AHDC1: variants seen among roughly 807,000 people sequenced by gnomAD.
The protein encoded by AHDC1 is transcription factor Gibbin.
Under a neutral mutation model 87.9 loss-of-function variants are expected in AHDC1, and 7 were observed. The observed-to-expected ratio is 0.08, with a 90% CI of 0.05 to 0.15. AHDC1 has a LOEUF of 0.15. Among genes scored for constraint, AHDC1 ranks in the 10% least tolerant of loss-of-function variants. The pLI is 1.00. For missense variants in AHDC1, 1,841 were observed against 2,253.2 expected, an observed-to-expected ratio of 0.82 and a Z score of 3.70; for synonymous variants, 1,051 against 1,006.8, an observed-to-expected ratio of 1.04 and a Z score of -0.83.
chr1:27,537,679 G>A (rs1253763519), intron 8 of AHDC1, among the ~76,000 whole-genome samples: 7 of 152,184 alleles, frequency 4.6e-5, no homozygotes, highest in Admixed American at 4.6e-4. Flanking sequence ...CCCAGGGCTA[G>A]CACGCACCGG....
intron 3 of AHDC1, chr1:27,567,937 T>A (rs1421936034): frequency 6.6e-6 from 1 of 152,216 alleles, no homozygotes; most frequent in Non-Finnish European, 1.5e-5. Context: ...AAAGCAAGTC[T>A]CCGTGCAACT....
At chr1:27,575,207 A>G (rs1257643788) in intron 3 of AHDC1, among the ~76,000 whole-genome samples, 1 of 152,176 alleles carries the variant, frequency 6.6e-6, no homozygotes, top group African/African-American at 2.4e-5. Context: ...GCTACCTGGC[A>G]GGCTAAGCTG....
rs2019384744 is a variant in AHDC1, at chr1:27,549,332, G to C, written c.2784C>G (p.Ser928Arg). Reference protein sequence around the residue: ...RQTFPPGRAASYGLTPAASDC... With the variant: ...RQTFPPGRAARYGLTPAASDC... ...CTGAAGCGGCTGGAGTTAGCCCATAGCTTGCTGCTCGTCCTGGTGGGAAGG... is the reference window on the plus strand; with the variant it reads ...CTGAAGCGGCTGGAGTTAGCCCATACCTTGCTGCTCGTCCTGGTGGGAAGG... The change falls in exon 8 of 9, where the codon AGC (serine) becomes AGG (arginine). Residue 928 changes from serine (S) to arginine (R), a missense_variant. Transcript: ENST00000673934. The C allele has an allele frequency of 6.8e-6, 11 of 1,611,238 alleles. No individual in the cohort carries two copies. Among genetic ancestry groups the C allele is most frequent in the Non-Finnish European group, 9.3e-6 (11 of 1,178,236 alleles).
intron 5 of AHDC1, among the ~76,000 whole-genome samples, chr1:27,556,871 C>CA (rs2019839296): frequency 6.6e-6 from 1 of 152,078 alleles, no homozygotes; most frequent in South Asian, 2.1e-4. Flanking sequence ...CACCACCTCC[C>CA]ACCAACAGCC....
intron 5 of AHDC1, among the ~76,000 whole-genome samples, chr1:27,556,114 G>A (rs1037966190): frequency 2.0e-5 from 3 of 152,098 alleles, no homozygotes; most frequent in Non-Finnish European, 4.4e-5. Flanking sequence ...AGGGGGCTGG[G>A]GGCCCCAACC....
At position 27,563,132 on chromosome 1, in the gene AHDC1, C is replaced by T. The variant is rs1361385349; in HGVS notation, c.-628-4249G>A. On this transcript the variant is annotated intron_variant, in intron 3 of 8. Coordinates refer to ENST00000673934, the MANE Select transcript of AHDC1 (RefSeq NM_001371928.1). The surrounding 1 kb of genome is among the most constrained non-coding windows in gnomAD (Gnocchi z 6.1). The stretch of plus-strand genomic sequence containing the variant: ...ACCAAGACACACACACACGCACGCA[C>T]GCATGCATGCACACACCCACACAAA... Among the ~76,000 whole-genome samples the T allele has an allele frequency of 1.3e-5, 2 of 151,536 alleles. No individual in the cohort carries two copies. The highest frequency in any genetic ancestry group is 2.9e-5 in the Non-Finnish European group (2 of 67,944).
rs772372544 is a variant in AHDC1, at chr1:27,551,030, G to A, written c.1086C>T (p.Pro362=). The A allele has an allele frequency of 1.9e-6, 3 of 1,557,850 alleles. No individual in the cohort carries two copies. Among genetic ancestry groups the A allele is most frequent in the African/African-American group, 1.4e-5 (1 of 73,220 alleles). The change falls in exon 8 of 9, where the codon CCC becomes CCT. Residue 362 remains proline (P), a synonymous_variant. Coordinates refer to ENST00000673934, the MANE Select transcript of AHDC1 (RefSeq NM_001371928.1). ...QPLGHCPLAE[P]LRLDLCSPHG... ...GCGGTGAGCACAAGTCCAGGCGCAA[G>A]GGCTCGGCCAGTGGGCAGTGCCCCA...
Position 27,558,940 on chromosome 1 carries a change from A to G in AHDC1, c.-628-57T>C, listed in dbSNP as rs1018743169. The G allele has an allele frequency of 3.0e-5, 12 of 398,598 alleles. No individual in the cohort carries two copies. The highest frequency in any genetic ancestry group is 4.4e-5 in the Non-Finnish European group (10 of 226,108). The allele number at this position is 398,598 out of a possible 1,614,324, so 24.7% of individuals were successfully genotyped here. A position where few individuals can be genotyped will look rare whatever the true frequency, so the allele number is the denominator to read the frequency against. On this transcript the variant is annotated intron_variant, in intron 3 of 8. Transcript: ENST00000673934. The surrounding 1 kb of genome is among the most constrained non-coding windows in gnomAD (Gnocchi z 5.6). ...AGCATGGACACAGGGTAAGCCAGCC[A>G]GACAGCAGGGTGCAGGCGGACACTG...
At chr1:27,557,515 C>A (rs2019880584) in intron 5 of AHDC1, among the ~76,000 whole-genome samples, 1 of 152,162 alleles carries the variant, frequency 6.6e-6, no homozygotes, top group Non-Finnish European at 1.5e-5. Flanking sequence ...AGGCTGGGCA[C>A]TGCTGAGCCC....
chr1:27,583,926 C>T (rs935140034), intron 3 of AHDC1, among the ~76,000 whole-genome samples: 6 of 152,202 alleles, frequency 3.9e-5, no homozygotes, highest in African/African-American at 1.4e-4. Flanking sequence ...GCCTCCTTCC[C>T]AAGCAGTTGT....
Position 27,560,772 on chromosome 1 carries a change from G to A in AHDC1, c.-628-1889C>T, listed in dbSNP as rs915235014. ...GCCGTGTGTCAGCGTCAACATGTGT[G>A]AGCAGGTCTGTGTGCCATGGTGTGT... is the stretch of plus-strand genomic sequence containing the variant. On this transcript the variant is annotated intron_variant, in intron 3 of 8. Transcript: ENST00000673934. This position sits in a 1 kb window ranked among gnomAD's most constrained non-coding sequence, Gnocchi z 4.1. Among the ~76,000 whole-genome samples the A allele has an allele frequency of 2.6e-5, 4 of 152,150 alleles. No homozygotes were observed. The highest frequency in any genetic ancestry group is 9.7e-5 in the African/African-American group (4 of 41,404).
Position 27,562,361 on chromosome 1 carries a change from C to T in AHDC1, c.-628-3478G>A, listed in dbSNP as rs1028394681. ...CGACTGACTACCTGAGCTCCCGGCCCGCGCAGAGCTGCCCCGATTAATCCT... is the reference window on the plus strand; with the variant it reads ...CGACTGACTACCTGAGCTCCCGGCCTGCGCAGAGCTGCCCCGATTAATCCT... On this transcript the variant is annotated intron_variant, in intron 3 of 8. Transcript: ENST00000673934. This position sits in a 1 kb window ranked among gnomAD's most constrained non-coding sequence, Gnocchi z 4.4. Among the ~76,000 whole-genome samples, 2 of 152,138 alleles carry T rather than the reference C, an allele frequency of 1.3e-5. No individual in the cohort carries two copies. The highest frequency in any genetic ancestry group is 4.8e-5 in the African/African-American group (2 of 41,416).
intron 3 of AHDC1, among the ~76,000 whole-genome samples, chr1:27,588,641 T>A (rs550849862): frequency 6.6e-6 from 1 of 151,780 alleles, no homozygotes; most frequent in East Asian, 1.9e-4. Flanking sequence ...GGAAGGAAAA[T>A]GATGGTGTGA....
At chr1:27,559,200 C>T (rs998261953) in intron 3 of AHDC1, among the ~76,000 whole-genome samples, 5 of 151,828 alleles carry the variant, frequency 3.3e-5, no homozygotes, top group Non-Finnish European at 7.4e-5. Flanking sequence ...TACAGGTATG[C>T]ACCACCATGC....
intron 3 of AHDC1, among the ~76,000 whole-genome samples, chr1:27,572,614 G>GTGCC (rs1291023129): frequency 6.6e-6 from 1 of 152,170 alleles, no homozygotes; most frequent in Non-Finnish European, 1.5e-5. Flanking sequence ...ATTCCAAACA[G>GTGCC]TGCCACTCAG....
intron 3 of AHDC1, among the ~76,000 whole-genome samples, chr1:27,600,176 C>T (rs1042776633): frequency 6.6e-6 from 1 of 151,792 alleles, no homozygotes; most frequent in African/African-American, 2.4e-5. Flanking sequence ...GTGGGTCGCT[C>T]CCCCGCCCCC....
At position 27,571,047 on chromosome 1, in the gene AHDC1, C is replaced by T. The variant is rs985855622; in HGVS notation, c.-628-12164G>A. Among the ~76,000 whole-genome samples, 12 of 152,280 alleles carry T rather than the reference C, an allele frequency of 7.9e-5. 1 individual carries two copies. In the East Asian group the frequency reaches 2.3e-3, roughly 29 times the overall value. ...GCAAGGGGTGGGAGAGCTCCTTTAA[C>T]CCTTTGCAGCCTGACTTTCAGGAAG... is the stretch of plus-strand genomic sequence containing the variant. On this transcript the variant is annotated intron_variant, in intron 3 of 8. Transcript: ENST00000673934.
chr1:27,570,320 G>T (rs1021971574), intron 3 of AHDC1, among the ~76,000 whole-genome samples: 2 of 151,554 alleles, frequency 1.3e-5, no homozygotes, highest in African/African-American at 4.9e-5. Context: ...CACCCCTCCA[G>T]ACCATCGCCC....
intron 3 of AHDC1, among the ~76,000 whole-genome samples, chr1:27,602,993 C>G (rs1250907441): frequency 7.1e-6 from 1 of 141,712 alleles, no homozygotes. Flanking sequence ...CATTCCCCCC[C>G]CCCCCACATT....
Sources: gnomAD v4.1 joint callset for allele counts (sites outside exome capture counted in the v4.1 genomes callset) on GRCh38, gnomAD v4.1.1 for gene constraint, Gnocchi (gnomAD v3.1) non-coding constraint, MANE v1.5 for transcripts, NCBI Gene and HGNC (gene_info 2026-07-23, HGNC 2026-07-21) for gene names.